The following HS6ST3 variants were observed in gnomAD, a reference collection of about 807,000 sequenced individuals.
HS6ST3 encodes the protein heparan-sulfate 6-O-sulfotransferase 3.
In HS6ST3, 12 loss-of-function variants were observed where a neutral mutation model predicts 36.7. The observed-to-expected ratio is 0.33, with a 90% CI of 0.21 to 0.53. The LOEUF (loss-of-function observed/expected upper bound fraction) is 0.53. Ranked by LOEUF, HS6ST3 falls within the 20% of genes least tolerant of loss-of-function variation. The pLI is 0.95. For synonymous variants in HS6ST3, 240 were observed against 257.5 expected (o/e 0.93, Z 0.65); for missense variants, 584 against 640.9 (o/e 0.91, Z 0.96).
intron 1 of HS6ST3, among the ~76,000 whole-genome samples, chr13:96,194,850 T>G (rs1289611368): frequency 1.3e-5 from 2 of 152,148 alleles, no homozygotes; most frequent in Admixed American, 6.5e-5. Flanking sequence ...CACATTGTTA[T>G]GTTCCTCTTA....
intron 1 of HS6ST3, among the ~76,000 whole-genome samples, chr13:96,493,010 G>A (rs2055954322): frequency 6.6e-6 from 1 of 152,144 alleles, no homozygotes; most frequent in South Asian, 2.1e-4. Flanking sequence ...TGACTTTTGA[G>A]CGAGGACAAC....
intron 1 of HS6ST3, among the ~76,000 whole-genome samples, chr13:96,698,851 A>T (rs1875203424): frequency 6.6e-6 from 1 of 152,198 alleles, no homozygotes; most frequent in African/African-American, 2.4e-5. Flanking sequence ...TTCAAACTAT[A>T]CTACAAGGCT....
chr13:96,588,498 T>C (rs541273291), intron 1 of HS6ST3, among the ~76,000 whole-genome samples: 1 of 152,342 alleles, frequency 6.6e-6, no homozygotes, highest in Admixed American at 6.5e-5. Flanking sequence ...TTATATGGTT[T>C]TTGCCCTACA....
intron 1 of HS6ST3, among the ~76,000 whole-genome samples, chr13:96,425,803 G>C (rs1213468810): frequency 6.6e-6 from 1 of 151,880 alleles, no homozygotes; most frequent in Non-Finnish European, 1.5e-5. Context: ...TGATTTTTTG[G>C]GGGGAGATAC....
chr13:96,608,095 C>A (rs1594817380), intron 1 of HS6ST3, among the ~76,000 whole-genome samples: 1 of 152,126 alleles, frequency 6.6e-6, no homozygotes, highest in South Asian at 2.1e-4. Flanking sequence ...ATGTTAAAAT[C>A]TTTGCGTTCA....
intron 1 of HS6ST3, among the ~76,000 whole-genome samples, chr13:96,343,838 G>A (rs886152316): frequency 6.6e-6 from 1 of 152,134 alleles, no homozygotes; most frequent in Non-Finnish European, 1.5e-5. Context: ...CGCCTCCTGG[G>A]TTCACGTGAT....
intron 1 of HS6ST3, among the ~76,000 whole-genome samples, chr13:96,761,330 CT>C (rs1356116095): frequency 3.3e-5 from 5 of 152,000 alleles, no homozygotes; most frequent in Non-Finnish European, 7.4e-5. Flanking sequence ...TCCTATTCCT[CT>C]TTTTTGATTT....
chr13:96,805,111 T>C (rs1205837287), intron 1 of HS6ST3, among the ~76,000 whole-genome samples: 1 of 152,214 alleles, frequency 6.6e-6, no homozygotes, highest in African/African-American at 2.4e-5. Flanking sequence ...TGAATGTGCT[T>C]TGGAGCTTTC....
chr13:96,400,180 C>T (rs2055442610), intron 1 of HS6ST3, among the ~76,000 whole-genome samples: 1 of 151,530 alleles, frequency 6.6e-6, no homozygotes, highest in African/African-American at 2.4e-5. Flanking sequence ...CACACACACA[C>T]ACACAGACAC....
chr13:96,592,625 A>C (rs1318707688), intron 1 of HS6ST3, among the ~76,000 whole-genome samples: 2 of 151,998 alleles, frequency 1.3e-5, no homozygotes, highest in Non-Finnish European at 2.9e-5. Context: ...ATTCCTCAGC[A>C]TTTTATTTAT....
At chr13:96,317,209 A>G (rs2054974587) in intron 1 of HS6ST3, among the ~76,000 whole-genome samples, 1 of 151,290 alleles carries the variant, frequency 6.6e-6, no homozygotes, top group African/African-American at 2.4e-5. Context: ...GAGTGAGAAT[A>G]TGCAATATTT....
At chr13:96,721,909 A>G (rs1460464400) in intron 1 of HS6ST3, among the ~76,000 whole-genome samples, 1 of 152,128 alleles carries the variant, frequency 6.6e-6, no homozygotes, top group African/African-American at 2.4e-5. Context: ...TGATTTAGGG[A>G]AAAAAAGGCG....
At chr13:96,140,850 TAAAG>T (rs1275470872) in intron 1 of HS6ST3, among the ~76,000 whole-genome samples, 4 of 152,068 alleles carry the variant, frequency 2.6e-5, no homozygotes, top group Admixed American at 6.6e-5. Flanking sequence ...CGTGACAACT[TAAAG>T]AAAAAGGAAG....
intron 1 of HS6ST3, among the ~76,000 whole-genome samples, chr13:96,658,546 G>A (rs891619201): frequency 6.0e-5 from 9 of 149,546 alleles, no homozygotes; most frequent in Non-Finnish European, 1.3e-4. Context: ...GCCTCCCAAA[G>A]TGCTGGGATT....
chr13:96,633,001 A>T (rs189138163), intron 1 of HS6ST3, among the ~76,000 whole-genome samples: 1 of 152,314 alleles, frequency 6.6e-6, no homozygotes, highest in Admixed American at 6.5e-5. Context: ...CCACACTTGT[A>T]ATCAGAACCT....
At chr13:96,740,003 C>T (rs1876395694) in intron 1 of HS6ST3, among the ~76,000 whole-genome samples, 1 of 152,136 alleles carries the variant, frequency 6.6e-6, no homozygotes. Context: ...TCACTGTGTC[C>T]ATGAGACACT....
chr13:96,674,423 A>C (rs1594833157), intron 1 of HS6ST3, among the ~76,000 whole-genome samples: 1 of 152,098 alleles, frequency 6.6e-6, no homozygotes, highest in African/African-American at 2.4e-5. Context: ...TCCAAAGGTC[A>C]ATTTCTCCAG....
At chr13:96,510,467 G>T (rs2056045117) in intron 1 of HS6ST3, among the ~76,000 whole-genome samples, 1 of 152,116 alleles carries the variant, frequency 6.6e-6, no homozygotes, top group African/African-American at 2.4e-5. Context: ...CCAGCCTGGT[G>T]CTGGGGAATG....
chr13:96,735,623 A>T (rs1876264159), intron 1 of HS6ST3, among the ~76,000 whole-genome samples: 1 of 152,182 alleles, frequency 6.6e-6, no homozygotes, highest in Non-Finnish European at 1.5e-5. Context: ...GGCCCTGTCT[A>T]CCTTTCCTCG....
Sources: allele counts gnomAD v4.1 joint callset (sites outside exome capture counted in the v4.1 genomes callset), GRCh38; gene constraint gnomAD v4.1.1; transcripts MANE v1.5; gene names NCBI Gene and HGNC (gene_info 2026-07-23, HGNC 2026-07-21).